The following AFG2A variants were observed in gnomAD, a reference collection of about 807,000 sequenced individuals.
The protein encoded by AFG2A is ATPase family gene 2 protein homolog A.
At chr4:123,218,728 T>C in the AFG2A span, among the ~76,000 whole-genome samples, 1 of 152,162 alleles carries the variant, frequency 6.6e-6, no homozygotes, top group Non-Finnish European at 1.5e-5. Flanking sequence ...TGCTTTCAAC[T>C]TAAGCTTGGG....
the AFG2A span, among the ~76,000 whole-genome samples, chr4:123,180,113 G>T: frequency 6.6e-6 from 1 of 151,954 alleles, no homozygotes; most frequent in African/African-American, 2.4e-5. Context: ...CCAGCTACTC[G>T]GCAGAGTGAG....
chr4:122,971,006 A>C, the AFG2A span, among the ~76,000 whole-genome samples: 272 of 152,272 alleles, frequency 1.8e-3, 1 homozygote, highest in Middle Eastern at 0.014. Context: ...AAGGCTGGTC[A>C]TGAACTCCTG....
chr4:122,923,866 G>GTGA, the AFG2A span, among the ~76,000 whole-genome samples: 1 of 152,180 alleles, frequency 6.6e-6, no homozygotes, highest in Non-Finnish European at 1.5e-5. Flanking sequence ...GAAAGTTAAC[G>GTGA]TGATTCCATT....
chr4:123,220,422 C>A, the AFG2A span, among the ~76,000 whole-genome samples: 1 of 150,772 alleles, frequency 6.6e-6, no homozygotes, highest in Admixed American at 6.6e-5. Context: ...CCAGCCTGGC[C>A]GATGTGGTGA....
the AFG2A span, among the ~76,000 whole-genome samples, chr4:122,978,037 G>A: frequency 2.0e-5 from 3 of 151,994 alleles, no homozygotes. Context: ...TCTTTCTGTA[G>A]GCAGGTTGTC....
the AFG2A span, among the ~76,000 whole-genome samples, chr4:123,189,054 T>G: frequency 6.6e-6 from 1 of 152,226 alleles, no homozygotes; most frequent in East Asian, 1.9e-4. Flanking sequence ...ACTACTTAAC[T>G]GGCTCTTATC....
the AFG2A span, among the ~76,000 whole-genome samples, chr4:123,074,095 A>ATTTTTTTT: frequency 0.39 from 39,430 of 101,444 alleles, 11,520 homozygotes; most frequent in Non-Finnish European, 0.54. Context: ...CTCAGATAGT[A>ATTTTTTTT]TTTTTTTTTT....
chr4:123,084,596 G>A, the AFG2A span, among the ~76,000 whole-genome samples: 16 of 146,032 alleles, frequency 1.1e-4, no homozygotes, highest in South Asian at 3.2e-3. Context: ...ATATATGTGT[G>A]TGTGTGTGTG....
chr4:122,969,099 C>A, the AFG2A span, among the ~76,000 whole-genome samples: 2 of 151,334 alleles, frequency 1.3e-5, no homozygotes, highest in South Asian at 2.1e-4. Context: ...TTTTGAGGAA[C>A]AGAAAGTTTA....
chr4:123,006,501 C>T, the AFG2A span, among the ~76,000 whole-genome samples: 1 of 152,072 alleles, frequency 6.6e-6, no homozygotes, highest in African/African-American at 2.4e-5. Context: ...TCACTGGAGA[C>T]TCAAATTACA....
the AFG2A span, among the ~76,000 whole-genome samples, chr4:123,049,924 A>G: frequency 6.6e-6 from 1 of 151,870 alleles, no homozygotes; most frequent in African/African-American, 2.4e-5. Flanking sequence ...TGAAGTCTTC[A>G]TATTTCTTTG....
the AFG2A span, among the ~76,000 whole-genome samples, chr4:123,179,077 A>T: frequency 4.6e-5 from 7 of 152,134 alleles, no homozygotes; most frequent in East Asian, 1.4e-3. Context: ...CATCACCTAC[A>T]CTCTTGGGTC....
At chr4:123,169,970 A>G in the AFG2A span, among the ~76,000 whole-genome samples, 8 of 152,348 alleles carry the variant, frequency 5.3e-5, no homozygotes, top group East Asian at 1.9e-4. Flanking sequence ...GAAAAGCTAT[A>G]TAAGGATACA....
At chr4:122,937,556 A>G in the AFG2A span, among the ~76,000 whole-genome samples, 1 of 152,180 alleles carries the variant, frequency 6.6e-6, no homozygotes, top group Non-Finnish European at 1.5e-5. Flanking sequence ...AGATGAAGTA[A>G]GCAGTTTGTA....
chr4:123,051,165 T>C, the AFG2A span, among the ~76,000 whole-genome samples: 3 of 151,986 alleles, frequency 2.0e-5, no homozygotes, highest in African/African-American at 4.8e-5. Flanking sequence ...GTAACTCTTC[T>C]TTTCGTTTCC....
At chr4:123,057,654 C>G in the AFG2A span, among the ~76,000 whole-genome samples, 535 of 152,046 alleles carry the variant, frequency 3.5e-3, 1 homozygote, top group South Asian at 6.7e-3. Context: ...TGTAGTAGAA[C>G]AAAATTATAA....
the AFG2A span, among the ~76,000 whole-genome samples, chr4:123,130,113 A>G: frequency 3.3e-5 from 5 of 152,006 alleles, no homozygotes; most frequent in Non-Finnish European, 5.9e-5. Flanking sequence ...GGCTCAAACC[A>G]TCCCCCACCT....
At chr4:122,994,696 T>G in the AFG2A span, among the ~76,000 whole-genome samples, 1 of 152,172 alleles carries the variant, frequency 6.6e-6, no homozygotes, top group Non-Finnish European at 1.5e-5. Context: ...TACTCCATTT[T>G]CTTGTGAACG....
chr4:123,035,033 G>T, the AFG2A span, among the ~76,000 whole-genome samples: 1 of 152,150 alleles, frequency 6.6e-6, no homozygotes, highest in Admixed American at 6.6e-5. Flanking sequence ...ACTGGGAAAA[G>T]CCCTGAGAGG....
Sources: allele counts gnomAD v4.1 joint callset (sites outside exome capture counted in the v4.1 genomes callset), GRCh38; gene constraint gnomAD v4.1.1; transcripts MANE v1.5; gene names NCBI Gene and HGNC (gene_info 2026-07-23, HGNC 2026-07-21).